The following ENOX2 variants were observed in gnomAD, a reference collection of about 807,000 sequenced individuals.
The protein encoded by ENOX2 is APK1 antigen.
A neutral mutation model predicts 45.0 loss-of-function variants in ENOX2; 36 were observed. That is an observed-to-expected ratio of 0.80 (90% confidence interval 0.61 to 1.06). The LOEUF is 1.06. Ranked by LOEUF, ENOX2 falls within the 50% of genes least tolerant of loss-of-function variation. The pLI, the probability that ENOX2 is intolerant of heterozygous loss-of-function variation, is 0.00. For synonymous variants in ENOX2, 174 were observed against 152.3 expected, an observed-to-expected ratio of 1.14 and a Z score of -1.05; for missense variants, 423 against 462.5, an observed-to-expected ratio of 0.91 and a Z score of 0.78.
rs143418368 is a variant in ENOX2 at position 130,900,917 on chromosome X, C to G, written c.-183+767G>C. Among the ~76,000 whole-genome samples, 573 of 112,158 alleles carry G rather than the reference C, an allele frequency of 5.1e-3. 2 individuals are homozygous for G. The highest frequency in any genetic ancestry group is 8.5e-3 in the Non-Finnish European group (451 of 53,219). On this transcript the variant is annotated intron_variant, in intron 2 of 14. Coordinates refer to ENST00000394363, the MANE Select transcript of ENOX2 (RefSeq NM_006375.4). ...TCCAACACTTCACGTGGGCAGAGGT[C>G]ATGAAAGAGATCTAGTGTCCCAGGT...
At chrX:130,811,349 T>G (rs2077385657) in intron 2 of ENOX2, among the ~76,000 whole-genome samples, 1 of 112,085 alleles carries the variant, frequency 8.9e-6, no homozygotes, top group African/African-American at 3.2e-5. Flanking sequence ...AGTCCTACCC[T>G]AATGGACTTA....
At chrX:130,678,666 G>A (rs2037217908) in intron 6 of ENOX2, among the ~76,000 whole-genome samples, 2 of 110,353 alleles carry the variant, frequency 1.8e-5, no homozygotes, top group Admixed American at 2.0e-4. Context: ...ACAACTCTGG[G>A]TACCTTAACC....
intron 10 of ENOX2, among the ~76,000 whole-genome samples, chrX:130,656,042 A>G (rs2148083831): frequency 8.9e-6 from 1 of 112,305 alleles, no homozygotes; most frequent in Admixed American, 9.4e-5. Flanking sequence ...ACTAGAACTC[A>G]GGTGTTTCAA....
intron 3 of ENOX2, among the ~76,000 whole-genome samples, chrX:130,705,251 A>T (rs2038006844): frequency 8.9e-6 from 1 of 112,009 alleles, no homozygotes; most frequent in Non-Finnish European, 1.9e-5. Flanking sequence ...TTCTGCAGTC[A>T]TGAGAAATAT....
intron 10 of ENOX2, among the ~76,000 whole-genome samples, chrX:130,637,984 C>T (rs1258057202): frequency 9.0e-6 from 1 of 110,575 alleles, no homozygotes; most frequent in Admixed American, 9.6e-5. Flanking sequence ...TATGGGGGCC[C>T]GGAAAAAGAA....
intron 3 of ENOX2, among the ~76,000 whole-genome samples, chrX:130,731,669 A>T (rs1475880721): frequency 8.9e-6 from 1 of 112,498 alleles, no homozygotes; most frequent in Non-Finnish European, 1.9e-5. Flanking sequence ...ATCATGATCA[A>T]ATGGGATTTA....
intron 3 of ENOX2, among the ~76,000 whole-genome samples, chrX:130,749,372 G>C (rs188404417): frequency 1.4e-3 from 159 of 111,854 alleles, no homozygotes; most frequent in African/African-American, 5.0e-3. Context: ...AAGGAGAAAA[G>C]CGGTCAGTTT....
chrX:130,820,420 A>G (rs1302604788), intron 2 of ENOX2, among the ~76,000 whole-genome samples: 1 of 112,096 alleles, frequency 8.9e-6, no homozygotes, highest in African/African-American at 3.2e-5. Flanking sequence ...CATAAAATTA[A>G]AAATAGAACT....
chrX:130,825,373 G>C (rs2077700396), intron 2 of ENOX2, among the ~76,000 whole-genome samples: 1 of 111,217 alleles, frequency 9.0e-6, no homozygotes, highest in African/African-American at 3.3e-5. Context: ...ACTTCGGGGG[G>C]GTACTTCCTC....
intron 4 of ENOX2, among the ~76,000 whole-genome samples, chrX:130,694,017 G>C (rs2037686754): frequency 9.0e-6 from 1 of 111,700 alleles, no homozygotes; most frequent in South Asian, 3.8e-4. Flanking sequence ...CCATGCATAT[G>C]AGTGAAGTCT....
At chrX:130,785,186 G>A (rs371708553) in intron 2 of ENOX2, among the ~76,000 whole-genome samples, 9 of 108,923 alleles carry the variant, frequency 8.3e-5, no homozygotes, top group African/African-American at 2.7e-4. Flanking sequence ...TAAGCCGGGC[G>A]TGGTGGCACA....
chrX:130,799,578 T>C (rs955966676), intron 2 of ENOX2, among the ~76,000 whole-genome samples: 1 of 112,106 alleles, frequency 8.9e-6, no homozygotes, highest in African/African-American at 3.2e-5. Context: ...CAGGCTGTGG[T>C]CTCTGCTCTT....
chrX:130,669,955 C>G lies in ENOX2; in HGVS notation c.694+10G>C, dbSNP rs149410799. 1 of 1,131,891 alleles carries G rather than the reference C, an allele frequency of 8.8e-7. No individual in the cohort carries two copies. The highest frequency in any genetic ancestry group is 1.2e-6 in the Non-Finnish European group (1 of 823,866). The allele number at this position is 1,131,891 out of a possible 1,213,427, so 93.3% of individuals were successfully genotyped here. A position where few individuals can be genotyped will look rare whatever the true frequency, so the allele number is the denominator to read the frequency against. On this transcript the variant is annotated intron_variant, in intron 7 of 14. Transcript: ENST00000394363. The stretch of plus-strand genomic sequence containing the variant: ...TTCTTTTAATCATGAAGCTTGAGTG[C>G]CTTTGATACCTTTTAATTTTTCAGC...
At chrX:130,682,059 T>C (rs2148160304) in intron 5 of ENOX2, among the ~76,000 whole-genome samples, 1 of 101,047 alleles carries the variant, frequency 9.9e-6, no homozygotes, top group East Asian at 3.1e-4. Flanking sequence ...TTTCCAAGAG[T>C]ATCCATATAG....
At chrX:130,816,839 T>C (rs2077495684) in intron 2 of ENOX2, among the ~76,000 whole-genome samples, 1 of 110,625 alleles carries the variant, frequency 9.0e-6, no homozygotes, top group Admixed American at 9.6e-5. Flanking sequence ...AACCCTAACA[T>C]CACAATTAAA....
chrX:130,710,309 C>T (rs1287045359), intron 3 of ENOX2, among the ~76,000 whole-genome samples: 1 of 111,809 alleles, frequency 8.9e-6, no homozygotes, highest in African/African-American at 3.3e-5. Flanking sequence ...ACCACTATGC[C>T]CTACTAAACT....
intron 2 of ENOX2, among the ~76,000 whole-genome samples, chrX:130,847,025 A>G (rs962141169): frequency 6.2e-5 from 7 of 112,433 alleles, no homozygotes; most frequent in South Asian, 3.7e-4. Flanking sequence ...ATAAATGAGA[A>G]GTAGGAAGTC....
chrX:130,649,142 C>G (rs1416866973), intron 10 of ENOX2, among the ~76,000 whole-genome samples: 1 of 106,618 alleles, frequency 9.4e-6, no homozygotes, highest in Non-Finnish European at 1.9e-5. Context: ...ACACTGGCTC[C>G]CCTTCACCTT....
chrX:130,772,934 G>C (rs986660442), intron 3 of ENOX2, among the ~76,000 whole-genome samples: 3 of 112,153 alleles, frequency 2.7e-5, no homozygotes, highest in Non-Finnish European at 5.6e-5. Context: ...GTAAATATTT[G>C]CTCTTATTTA....
Sources: gnomAD v4.1 joint callset for allele counts (sites outside exome capture counted in the v4.1 genomes callset) on GRCh38, gnomAD v4.1.1 for gene constraint, MANE v1.5 for transcripts, NCBI Gene and HGNC (gene_info 2026-07-23, HGNC 2026-07-21) for gene names.